MTMR12: variants seen among roughly 807,000 people sequenced by gnomAD.
The protein encoded by MTMR12 is myotubularin-related protein 12.
In MTMR12, 33 loss-of-function variants were observed where a neutral mutation model predicts 96.7. The ratio of observed to expected loss-of-function variants is 0.34; its 90% CI spans 0.26 to 0.46. MTMR12 has a LOEUF of 0.46. Ranked by LOEUF, MTMR12 falls within the 20% of genes least tolerant of loss-of-function variation. MTMR12 has a pLI of 1.00. For synonymous variants in MTMR12, 298 were observed against 327.2 expected (o/e 0.91, Z 0.96); for missense variants, 721 against 896.1 (o/e 0.80, Z 2.49).
intron 13 of MTMR12, among the ~76,000 whole-genome samples, chr5:32,236,838 CAA>C (rs111843533): frequency 3.0e-4 from 35 of 117,090 alleles, no homozygotes; most frequent in Admixed American, 3.7e-4. Flanking sequence ...ACTCCTTCTC[CAA>C]AAAAAAAAAA....
Position 32,229,898 on chromosome 5 carries a change from G to A in MTMR12, c.2124C>T (p.Phe708=), listed in dbSNP as rs368240676. The A allele has an allele frequency of 1.2e-5, 20 of 1,613,324 alleles. No individual in the cohort carries two copies. The highest frequency in any genetic ancestry group is 1.7e-4 in the Middle Eastern group (1 of 6,054). Residue 708 remains phenylalanine (F), a synonymous_variant, in exon 16 of 16, where the codon TTC becomes TTT. Transcript: ENST00000382142. ...NSARLSSLFP[F]ALLQRHSSKP... is the part of the protein sequence containing the mutation. ...TAGAGGAATGTCGCTGGAGCAGAGC[G>A]AAAGGAAACAAAGACGAGAGGCGGG...
intron 7 of MTMR12, among the ~76,000 whole-genome samples, chr5:32,256,666 T>C (rs529690450): frequency 2.6e-5 from 4 of 152,330 alleles, no homozygotes; most frequent in African/African-American, 9.6e-5. Flanking sequence ...CTCAAAGAGC[T>C]TGAAATAAAG....
chr5:32,312,714 C>A lies in MTMR12; in HGVS notation c.81+44G>T, dbSNP rs753525659. ...AAGGGGCTCCCGGCGCCCCTCGCCC[C>A]GGCCGCCCCTGCCCGACGCCCCGCC... On this transcript the variant is annotated intron_variant, in intron 1 of 15. Coordinates refer to ENST00000382142, the MANE Select transcript of MTMR12 (RefSeq NM_001040446.3). This position sits in a 1 kb window ranked among gnomAD's most constrained non-coding sequence, Gnocchi z 5.0. The A allele has an allele frequency of 5.0e-6, 7 of 1,411,278 alleles. No homozygotes were observed. The highest frequency in any genetic ancestry group is 3.1e-5 in the Admixed American group (1 of 32,504). 87.4% of individuals were successfully genotyped at this position (1,411,278 alleles called of 1,614,324 possible).
chr5:32,230,136 G>A lies in MTMR12; in HGVS notation c.1886C>T (p.Pro629Leu), dbSNP rs199873388. The A allele has an allele frequency of 3.7e-6, 6 of 1,613,660 alleles. No homozygotes were observed. In the African/African-American group the frequency reaches 4.0e-5, roughly 11 times the overall value. Residue 629 changes from proline (P) to leucine (L), a missense_variant, in exon 16 of 16, where the codon CCG (proline) becomes CTG (leucine). By Grantham distance (98) the Pro-to-Leu change is moderately conservative. Coordinates refer to ENST00000382142, the MANE Select transcript of MTMR12 (RefSeq NM_001040446.3). ...KSTDYHGLLL[P>L]HIEGPEIKVW... ...TTTGATTTCGGGCCCCTCGATATGC[G>A]GTAACAACAAACCATGGTAGTCAGT... is the stretch of plus-strand genomic sequence containing the variant.
rs374245852 is a variant in MTMR12 at position 32,233,122 on chromosome 5, T to C, written c.1674+651A>G. 7.0e-5 allele frequency: 43 copies of C among 614,258 alleles called. No individual in the cohort carries two copies. The highest frequency in any genetic ancestry group is 1.4e-4 in the East Asian group (1 of 7,078). 38.1% of individuals were successfully genotyped at this position (614,258 alleles called of 1,614,324 possible). A position where few individuals can be genotyped will look rare whatever the true frequency, so the allele number is the denominator to read the frequency against. On this transcript the variant is annotated intron_variant, in intron 15 of 15. Coordinates refer to ENST00000382142, the MANE Select transcript of MTMR12 (RefSeq NM_001040446.3). This position sits in a 1 kb window ranked among gnomAD's most constrained non-coding sequence, Gnocchi z 5.0. ...TGGCTCATAGCATAGGTCAGCAAAC[T>C]GGCCACCCCTCCGGCCAAATCTGGC...
intron 1 of MTMR12, among the ~76,000 whole-genome samples, chr5:32,296,713 A>T (rs1750940018): frequency 6.6e-6 from 1 of 151,454 alleles, no homozygotes; most frequent in South Asian, 2.1e-4. Context: ...AGGTGGGAGG[A>T]TCCCTTGAGC....
chr5:32,298,182 G>A (rs2112148124), intron 1 of MTMR12, among the ~76,000 whole-genome samples: 1 of 152,340 alleles, frequency 6.6e-6, no homozygotes, highest in East Asian at 1.9e-4. Flanking sequence ...ACGGGGAGCA[G>A]TGGGAAGTGG....
Position 32,235,084 on chromosome 5 carries a change from G to A in MTMR12, c.1390C>T (p.His464Tyr), listed in dbSNP as rs955436024. 6 of 1,613,924 alleles carry A rather than the reference G, an allele frequency of 3.7e-6. No homozygotes were observed. The highest frequency in any genetic ancestry group is 1.7e-5 in the Admixed American group (1 of 59,962). ...LFLDCVWQLV[H>Y]QHPPAFEFTE... is the part of the protein sequence containing the mutation. The stretch of plus-strand genomic sequence containing the variant: ...AATTCAAATGCCGGGGGATGCTGGT[G>A]CACCAGCTGCCAGACACAATCTAGG... The change falls in exon 14 of 16, where the codon CAC becomes TAC. Residue 464 changes from histidine (H) to tyrosine (Y), a missense_variant. Coordinates refer to ENST00000382142, the MANE Select transcript of MTMR12 (RefSeq NM_001040446.3).
intron 1 of MTMR12, among the ~76,000 whole-genome samples, chr5:32,306,387 AG>A (rs1751366387): frequency 6.6e-6 from 1 of 152,220 alleles, no homozygotes; most frequent in South Asian, 2.1e-4. Context: ...AATAAATACT[AG>A]TAATTATTCA....
chr5:32,230,058 C>T lies in MTMR12; in HGVS notation c.1964G>A (p.Gly655Asp). 1 of 1,613,452 alleles carries T rather than the reference C, an allele frequency of 6.2e-7. No individual in the cohort carries two copies. The highest frequency in any genetic ancestry group is 1.1e-5 in the South Asian group (1 of 91,056). The change falls in exon 16 of 16, where the codon GGT becomes GAT. Residue 655 changes from glycine to aspartate, a missense_variant. Gly to Asp is a moderately conservative substitution (Grantham distance 94). Transcript: ENST00000382142. ...TTTGCTCAGAGTGGCCACTTGGCCA[C>T]CACCTAGGATTTGGGCTTCTGGAAT... is the stretch of plus-strand genomic sequence containing the variant. Reference protein sequence around the residue: ...RWIPEAQILGGGQVATLSKLL... With the variant: ...RWIPEAQILGDGQVATLSKLL...
At chr5:32,243,175 A>C (rs1223564243) in intron 11 of MTMR12, among the ~76,000 whole-genome samples, 1 of 152,236 alleles carries the variant, frequency 6.6e-6, no homozygotes, top group Non-Finnish European at 1.5e-5. Context: ...CAAGATTAAA[A>C]AAGGTATTCA....
intron 4 of MTMR12, 41 bp from the exon 5 acceptor site, chr5:32,270,988 C>A (rs1251889249): frequency 1.3e-6 from 2 of 1,583,984 alleles, no homozygotes; most frequent in Non-Finnish European, 1.7e-6. Flanking sequence ...AATTATGTTA[C>A]ACAGCAATAA....
chr5:32,229,291 A>AC lies in MTMR12; in HGVS notation c.*486dup, dbSNP rs1207046769. The AC allele has an allele frequency of 6.5e-6, 1 of 152,846 alleles. No individual in the cohort carries two copies. Among genetic ancestry groups the AC allele is most frequent in the Non-Finnish European group, 1.5e-5 (1 of 68,222 alleles). 9.5% of individuals were successfully genotyped at this position (152,846 alleles called of 1,614,324 possible). A position where few individuals can be genotyped will look rare whatever the true frequency, so the allele number is the denominator to read the frequency against. ...ATGTGATGGTTTAAGTAAATGCCAC[A>AC]CATCTTAATACCTCTATCTGAATCT... On this transcript the variant is annotated 3_prime_UTR_variant, in exon 16 of 16. Coordinates refer to ENST00000382142, the MANE Select transcript of MTMR12 (RefSeq NM_001040446.3).
rs1458087295 is a variant in MTMR12, at chr5:32,233,471, C to A, written c.1674+302G>T. Among the ~76,000 whole-genome samples the A allele has an allele frequency of 2.3e-5, 3 of 131,492 alleles. No individual in the cohort carries two copies. The highest frequency in any genetic ancestry group is 1.4e-4 in the Admixed American group (2 of 13,922). The allele number at this position is 131,492 out of a possible 152,430, so 86.3% of individuals were successfully genotyped here. A position where few individuals can be genotyped will look rare whatever the true frequency, so the allele number is the denominator to read the frequency against. On this transcript the variant is annotated intron_variant, in intron 15 of 15. Transcript: ENST00000382142. The surrounding 1 kb of genome is among the most constrained non-coding windows in gnomAD (Gnocchi z 5.0). ...TACTCTACTAACACACACACACACA[C>A]AAACACACACACACACACACACACA...
At chr5:32,262,251 C>A (rs1477854089) in intron 7 of MTMR12, among the ~76,000 whole-genome samples, 1 of 151,312 alleles carries the variant, frequency 6.6e-6, no homozygotes, top group Non-Finnish European at 1.5e-5. Context: ...GGTAATATAC[C>A]CAAGAAAAAT....
Position 32,229,777 on chromosome 5 carries a change from G to C in MTMR12, c.*1C>G, listed in dbSNP as rs776965674. On this transcript the variant is annotated 3_prime_UTR_variant, in exon 16 of 16. Transcript: ENST00000382142. ...TCTTTCACAATCACTCAACAAACAG[G>C]TCACACATCCCCTAGGTCCACGAAC... The C allele has an allele frequency of 6.6e-7, 1 of 1,520,322 alleles. No individual in the cohort carries two copies. The highest frequency in any genetic ancestry group is 1.3e-5 in the South Asian group (1 of 75,386). 94.2% of individuals were successfully genotyped at this position (1,520,322 alleles called of 1,614,324 possible). A position where few individuals can be genotyped will look rare whatever the true frequency, so the allele number is the denominator to read the frequency against.
rs1162392422 is a variant in MTMR12, at chr5:32,230,259, T to G, written c.1763A>C (p.Lys588Thr). Residue 588 changes from lysine to threonine, a missense_variant, in exon 16 of 16, where the codon AAA becomes ACA. By Grantham distance (78) the Lys-to-Thr change is moderately conservative (BLOSUM62 -1). Transcript: ENST00000382142. ...FFREETDHLI[K>T]NLLGKRISKL... The stretch of plus-strand genomic sequence containing the variant: ...GCTAATTCTCTTGCCCAGAAGGTTT[T>G]TAATTAAATGATCTGTTTCTTCCCT... 1 of 1,614,098 alleles carries G rather than the reference T, an allele frequency of 6.2e-7. No individual in the cohort carries two copies. Among genetic ancestry groups the G allele is most frequent in the Non-Finnish European group, 8.5e-7 (1 of 1,180,042 alleles).
At chr5:32,272,592 TG>T (rs940082704) in intron 3 of MTMR12, among the ~76,000 whole-genome samples, 1 of 152,072 alleles carries the variant, frequency 6.6e-6, no homozygotes, top group African/African-American at 2.4e-5. Context: ...TTGCCCAGGC[TG>T]GTTTTGAACT....
intron 1 of MTMR12, chr5:32,296,479 C>CA: frequency 5.8e-5 from 21 of 364,182 alleles, no homozygotes; most frequent in Non-Finnish European, 9.1e-5. Context: ...ACCTTGTCTC[C>CA]AAAAAAAGAA....
Sources: allele counts gnomAD v4.1 joint callset (sites outside exome capture counted in the v4.1 genomes callset), GRCh38; gene constraint gnomAD v4.1.1; non-coding constraint Gnocchi (gnomAD v3.1); transcripts MANE v1.5; gene names NCBI Gene and HGNC (gene_info 2026-07-23, HGNC 2026-07-21).